SLC2A13: variants seen among roughly 807,000 people sequenced by gnomAD.
The protein encoded by SLC2A13 is solute carrier family 2 member 13.
A neutral mutation model predicts 64.4 loss-of-function variants in SLC2A13; 32 were observed. The ratio of observed to expected loss-of-function variants is 0.50; its 90% CI spans 0.37 to 0.67. The LOEUF (loss-of-function observed/expected upper bound fraction) is 0.67, where lower values mean the gene tolerates loss of function less well. SLC2A13 is among the 30% of genes least tolerant of loss of function. SLC2A13 has a pLI of 0.00. For synonymous variants in SLC2A13, 338 were observed against 327.1 expected (o/e 1.03, Z -0.36); for missense variants, 743 against 829.2 (o/e 0.90, Z 1.28).
At chr12:39,972,371 G>A (rs951947033) in intron 3 of SLC2A13, among the ~76,000 whole-genome samples, 1 of 152,034 alleles carries the variant, frequency 6.6e-6, no homozygotes, top group Non-Finnish European at 1.5e-5. Context: ...TAATTAACAT[G>A]ACTCATCCAT....
chr12:40,035,395 T>C (rs956020798), intron 2 of SLC2A13, among the ~76,000 whole-genome samples: 1 of 152,228 alleles, frequency 6.6e-6, no homozygotes, highest in Non-Finnish European at 1.5e-5. Context: ...TTTTAAATTT[T>C]AGTTCATGCT....
chr12:40,067,229 G>A (rs561566807), intron 1 of SLC2A13, among the ~76,000 whole-genome samples: 1 of 152,022 alleles, frequency 6.6e-6, no homozygotes, highest in Admixed American at 6.6e-5. Context: ...AAGCAATAGG[G>A]TCCTTCGCTG....
intron 7 of SLC2A13, among the ~76,000 whole-genome samples, chr12:39,810,980 G>T (rs796404016): frequency 6.6e-6 from 1 of 152,048 alleles, no homozygotes. Context: ...GCCCTTTTCT[G>T]AAAGAGTTTA....
chr12:39,992,350 T>C (rs895100423), intron 3 of SLC2A13, among the ~76,000 whole-genome samples: 2 of 152,144 alleles, frequency 1.3e-5, no homozygotes, highest in African/African-American at 4.8e-5. Context: ...TGACAGATGC[T>C]AGCATGATAT....
chr12:40,077,277 AGTTTTAG>A (rs1327112288), intron 1 of SLC2A13, among the ~76,000 whole-genome samples: 1 of 151,838 alleles, frequency 6.6e-6, no homozygotes, highest in African/African-American at 2.4e-5. Context: ...GACTTTTTAC[AGTTTTAG>A]GTTTTATGTT....
intron 7 of SLC2A13, among the ~76,000 whole-genome samples, chr12:39,778,106 G>C (rs556137574): frequency 6.6e-6 from 1 of 152,298 alleles, no homozygotes; most frequent in East Asian, 1.9e-4. Flanking sequence ...GGTTTGAGCA[G>C]CAGGGCGGTG....
chr12:39,895,917 CAT>C (rs1289999633), intron 4 of SLC2A13, among the ~76,000 whole-genome samples: 5 of 142,016 alleles, frequency 3.5e-5, no homozygotes, highest in Non-Finnish European at 7.7e-5. Context: ...TATATGTATG[CAT>C]ATATGTGTAT....
At chr12:39,916,807 G>T (rs1393157303) in intron 4 of SLC2A13, among the ~76,000 whole-genome samples, 8 of 98,236 alleles carry the variant, frequency 8.1e-5, no homozygotes, top group African/African-American at 2.7e-4. Flanking sequence ...ATTGTCTTGT[G>T]GAAGGATTAT....
At chr12:40,061,816 A>T (rs542220226) in intron 1 of SLC2A13, among the ~76,000 whole-genome samples, 84 of 152,236 alleles carry the variant, frequency 5.5e-4, no homozygotes, top group African/African-American at 1.9e-3. Context: ...ATCCAAAAAA[A>T]AAAAAAGGAA....
intron 6 of SLC2A13, among the ~76,000 whole-genome samples, chr12:39,860,250 G>C (rs777137315): frequency 1.3e-5 from 2 of 152,200 alleles, no homozygotes; most frequent in Non-Finnish European, 2.9e-5. Flanking sequence ...TAAGATGAAA[G>C]GCTTGAATTA....
intron 1 of SLC2A13, among the ~76,000 whole-genome samples, chr12:40,086,668 A>G (rs1045946680): frequency 2.6e-5 from 4 of 152,228 alleles, no homozygotes; most frequent in Non-Finnish European, 1.5e-5. Context: ...AGAAGAAACA[A>G]GACATGCATT....
At chr12:39,939,006 C>T (rs569922422) in intron 4 of SLC2A13, among the ~76,000 whole-genome samples, 7 of 152,266 alleles carry the variant, frequency 4.6e-5, no homozygotes, top group Non-Finnish European at 8.8e-5. Context: ...AGGGTCAACA[C>T]TCAAGTTGAG....
At position 39,835,951 on chromosome 12, in the gene SLC2A13, G is replaced by C. The variant is rs540840322; in HGVS notation, c.1320-5723C>G. Among the ~76,000 whole-genome samples the C allele has an allele frequency of 2.6e-5, 4 of 152,230 alleles. No homozygotes were observed. In the South Asian group the frequency reaches 8.3e-4, roughly 32 times the overall value. Reference sequence around the variant, plus strand: ...AGCCTGGTTTTTAAATTGCCACGTGGTGAAAGCCACAAATATTTGATTAAC... The same window carrying C: ...AGCCTGGTTTTTAAATTGCCACGTGCTGAAAGCCACAAATATTTGATTAAC... On this transcript the variant is annotated intron_variant, in intron 6 of 9. Coordinates refer to ENST00000280871, the MANE Select transcript of SLC2A13 (RefSeq NM_052885.4).
intron 4 of SLC2A13, among the ~76,000 whole-genome samples, chr12:39,923,050 C>T (rs967504491): frequency 6.6e-5 from 10 of 151,700 alleles, no homozygotes; most frequent in South Asian, 4.2e-4. Flanking sequence ...GAATTATTTA[C>T]AGTAGATAAA....
chr12:39,844,879 T>C (rs1362744981), intron 6 of SLC2A13, among the ~76,000 whole-genome samples: 2 of 152,056 alleles, frequency 1.3e-5, no homozygotes, highest in Admixed American at 6.6e-5. Context: ...AAGGATTCTG[T>C]CTCCAACAGA....
At chr12:39,845,294 C>T (rs1194428334) in intron 6 of SLC2A13, among the ~76,000 whole-genome samples, 2 of 151,986 alleles carry the variant, frequency 1.3e-5, no homozygotes, top group Admixed American at 1.3e-4. Context: ...TATTTTGCTT[C>T]AGTAATTAAT....
chr12:39,919,286 T>C (rs1268381259), intron 4 of SLC2A13, among the ~76,000 whole-genome samples: 1 of 152,134 alleles, frequency 6.6e-6, no homozygotes, highest in Non-Finnish European at 1.5e-5. Context: ...AACATTCTTC[T>C]TGGCCAATGC....
At chr12:39,928,174 C>T (rs1497046) in intron 4 of SLC2A13, among the ~76,000 whole-genome samples, 131,158 of 152,136 alleles carry the variant, frequency 0.86, 56,621 homozygotes, top group East Asian at 1. Flanking sequence ...AGTCAAAAAA[C>T]GCTACACATC....
At chr12:39,949,636 G>C (rs944560785) in intron 4 of SLC2A13, 17 of 152,300 alleles carry the variant, frequency 1.1e-4, no homozygotes, top group Admixed American at 9.2e-4. Flanking sequence ...GGCTCTGTTT[G>C]TGATACCAGT....
Sources: allele counts gnomAD v4.1 joint callset (sites outside exome capture counted in the v4.1 genomes callset), GRCh38; gene constraint gnomAD v4.1.1; transcripts MANE v1.5; gene names NCBI Gene and HGNC (gene_info 2026-07-23, HGNC 2026-07-21).